The following ABCC6 variants were observed in gnomAD, a reference collection of about 807,000 sequenced individuals.
ABCC6 encodes the protein ATP-binding cassette sub-family C member 6.
ABCC6 carries 126 observed loss-of-function variants against 169.5 expected under a neutral mutation model. The observed-to-expected ratio is 0.74, with a 90% CI of 0.64 to 0.86. ABCC6 has a LOEUF of 0.86. Ranked by LOEUF, ABCC6 falls within the 40% of genes least tolerant of loss-of-function variation. The pLI, the probability that ABCC6 is intolerant of heterozygous loss-of-function variation, is 0.00. For synonymous variants in ABCC6, 752 were observed against 814.7 expected, an observed-to-expected ratio of 0.92 and a Z score of 1.31; for missense variants, 1,733 against 1,927.2, an observed-to-expected ratio of 0.90 and a Z score of 1.89.
Position 16,150,677 on chromosome 16 carries a change from C to T in ABCC6, c.4304G>A (p.Gly1435Asp), listed in dbSNP as rs773205132. The T allele has an allele frequency of 6.2e-7, 1 of 1,613,582 alleles. No individual in the cohort carries two copies. The highest frequency in any genetic ancestry group is 1.7e-5 in the Admixed American group (1 of 59,968). Residue 1435 changes from glycine to aspartate, a missense_variant, in exon 30 of 31, where the codon GGC becomes GAC. By Grantham distance (94) the Gly-to-Asp change is moderately conservative. Around this residue, in one of 5 missense-constraint regions of ABCC6, gnomAD observed 1,601 missense variants for 1,635.5 expected, o/e 0.98. Transcript: ENST00000205557. ...CATGGCCTGCATCTGCAGCTCCGTG[C>T]CAGGGTCCACGGCAGCAGTAGCCTC... ...LDEATAAVDP[G>D]TELQMQAMLG...
In ABCC6 at chr16:16,198,074, C is replaced by T. The variant is rs978346965; in HGVS notation, c.1285G>A (p.Gly429Arg). Reference protein sequence around the residue: ...RLTESVLYLNGLWLPLVWIVV... With the variant: ...RLTESVLYLNRLWLPLVWIVV... ...ATCCAGACGAGAGGCAGCCACAGCC[C>T]GTTGAGGTAGAGGACGCTCTCGGTC... The change falls in exon 10 of 31, where the codon GGG (glycine) becomes AGG (arginine). Residue 429 changes from glycine to arginine, a missense_variant. Transcript: ENST00000205557. The T allele has an allele frequency of 2.7e-5, 43 of 1,613,974 alleles. No individual in the cohort carries two copies. In the Admixed American group the frequency reaches 5.0e-4, roughly 19 times the overall value.
At chr16:16,172,127 A>AGTGGGTGGG (rs2047114362) in intron 21 of ABCC6, among the ~76,000 whole-genome samples, 1 of 92,968 alleles carries the variant, frequency 1.1e-5, no homozygotes, top group Non-Finnish European at 2.2e-5. Flanking sequence ...TGGATAAATG[A>AGTGGGTGGG]ATGGATGGGA....
intron 20 of ABCC6, among the ~76,000 whole-genome samples, chr16:16,174,525 G>A (rs992500301): frequency 1.3e-5 from 2 of 152,032 alleles, no homozygotes; most frequent in Non-Finnish European, 2.9e-5. Flanking sequence ...GGGAGGCTGA[G>A]GCAGGTGGAA....
chr16:16,198,772 T>A (rs2048140918), intron 9 of ABCC6, among the ~76,000 whole-genome samples: 2 of 151,216 alleles, frequency 1.3e-5, no homozygotes, highest in Admixed American at 6.6e-5. Context: ...GGTGGACAGA[T>A]CACCTGAGGT....
At chr16:16,183,639 C>A (rs534434538) in intron 15 of ABCC6, among the ~76,000 whole-genome samples, 2 of 152,268 alleles carry the variant, frequency 1.3e-5, no homozygotes, top group Non-Finnish European at 2.9e-5. Flanking sequence ...ACACAAAAGG[C>A]CAGTGGTTCT....
In ABCC6 at chr16:16,193,154, C is replaced by T. The variant is rs11864859; in HGVS notation, c.1339-232G>A. Among the ~76,000 whole-genome samples, 535 of 152,206 alleles carry T rather than the reference C, an allele frequency of 3.5e-3. 1 individual carries two copies. Among genetic ancestry groups the T allele is most frequent in the African/African-American group, 0.012 (479 of 41,530 alleles). ...ATAAAACAGGTTGCAGTAAAGAAGG[C>T]GGCCAAATCCCACCAAAACCAAGAT... On this transcript the variant is annotated intron_variant, in intron 10 of 30. Transcript: ENST00000205557.
rs928069454 is a variant in ABCC6, at chr16:16,150,500, G to A, written c.4403+78C>T. 1.6e-5 allele frequency: 25 copies of A among 1,545,792 alleles called. No individual in the cohort carries two copies. In the Admixed American group the frequency reaches 3.0e-4, roughly 19 times the overall value. Reference sequence around the variant, plus strand: ...CCCTCCAGCTCTAACCCGAAGCCCAGTGGCCCAGGACTGCCTCCGCCTCCT... The same window carrying A: ...CCCTCCAGCTCTAACCCGAAGCCCAATGGCCCAGGACTGCCTCCGCCTCCT... On this transcript the variant is annotated intron_variant, in intron 30 of 30. Coordinates refer to ENST00000205557, the MANE Select transcript of ABCC6 (RefSeq NM_001171.6).
chr16:16,204,126 A>G (rs4780609), intron 7 of ABCC6, among the ~76,000 whole-genome samples: 1 of 150,426 alleles, frequency 6.6e-6, no homozygotes, highest in African/African-American at 2.5e-5. Context: ...GTGTGATCTC[A>G]GCTCACGGCA....
intron 22 of ABCC6, among the ~76,000 whole-genome samples, chr16:16,168,468 A>G (rs2046952630): frequency 6.6e-6 from 1 of 152,302 alleles, no homozygotes; most frequent in Admixed American, 6.5e-5. Flanking sequence ...CCTGGGTGAC[A>G]AAGCCAGACC....
intron 29 of ABCC6, among the ~76,000 whole-genome samples, chr16:16,153,731 C>T (rs2152210928): frequency 6.6e-6 from 1 of 151,750 alleles, no homozygotes; most frequent in Middle Eastern, 3.4e-3. Context: ...TGGTGAAACC[C>T]TGTCTCTACA....
rs202129940 is a variant in ABCC6 at position 16,177,665 on chromosome 16, G to A, written c.2416-39C>T. On this transcript the variant is annotated intron_variant, in intron 18 of 30. Transcript: ENST00000205557. Reference sequence around the variant, plus strand: ...GGGTAGAAGTTACACACATGTGGCCGGGTGCAGTGGCTCATGCCTGTAATC... The same window carrying A: ...GGGTAGAAGTTACACACATGTGGCCAGGTGCAGTGGCTCATGCCTGTAATC... The A allele has an allele frequency of 2.9e-5, 46 of 1,610,368 alleles. 1 individual carries two copies. In the Middle Eastern group the frequency reaches 8.4e-4, roughly 29 times the overall value.
At chr16:16,192,591 G>A (rs2079729326) in intron 11 of ABCC6, among the ~76,000 whole-genome samples, 1 of 152,122 alleles carries the variant, frequency 6.6e-6, no homozygotes, top group Non-Finnish European at 1.5e-5. Context: ...GGATGTGAGA[G>A]AAAAAGGCAT....
chr16:16,181,170 T>C lies in ABCC6; in HGVS notation c.2247+1242A>G, dbSNP rs187631012. ...AGTACAAAAAAAAATTAGCCAGTTG[T>C]GGTGGTACATGGCTGTAATTCTAGC... On this transcript the variant is annotated intron_variant, in intron 17 of 30. Transcript: ENST00000205557. 4.6e-5 allele frequency among the ~76,000 whole-genome samples: 7 copies of C among 151,412 alleles called. No individual in the cohort carries two copies. The East Asian group carries it at 1.4e-3, about 30-fold the overall frequency.
Position 16,203,569 on chromosome 16 carries a change from A to G in ABCC6, c.839T>C (p.Met280Thr), listed in dbSNP as rs2048309390. 3 of 1,613,912 alleles carry G rather than the reference A, an allele frequency of 1.9e-6. No homozygotes were observed. Among genetic ancestry groups the G allele is most frequent in the East Asian group, 2.2e-5 (1 of 44,900 alleles). Residue 280 changes from methionine to threonine, a missense_variant, in exon 8 of 31, where the codon ATG becomes ACG. Physicochemically the swap from Met to Thr is moderately conservative, Grantham distance 81. Transcript: ENST00000205557. ...GAAGGGCTCGGTCTCTGGAGCCTTCATGCCACTGCCGCCTTTCCTTTTAAA... is the reference window on the plus strand; with the variant it reads ...GAAGGGCTCGGTCTCTGGAGCCTTCGTGCCACTGCCGCCTTTCCTTTTAAA... ...IAFKRKGGSG[M>T]KAPETEPFLR...
chr16:16,161,479 T>C lies in ABCC6; in HGVS notation c.3592A>G (p.Ser1198Gly), dbSNP rs114920767. ...ACAGAGAAGCCCACGAGGCCAGCAC[T>C]GAGGTGGGCTTTGCTCAGCACAGCA... ...TCAVLSKAHL[S>G]AGLVGFSVSA... The change falls in exon 25 of 31, where the codon AGT becomes GGT. Residue 1198 changes from serine (S) to glycine (G), a missense_variant. By Grantham distance (56) the Ser-to-Gly change is moderately conservative (BLOSUM62 0). Around this residue, in one of 5 missense-constraint regions of ABCC6, gnomAD observed 1,601 missense variants for 1,635.5 expected, o/e 0.98. Coordinates refer to ENST00000205557, the MANE Select transcript of ABCC6 (RefSeq NM_001171.6). 5.6e-6 allele frequency: 9 copies of C among 1,613,828 alleles called. No individual in the cohort carries two copies. In the East Asian group the frequency reaches 1.1e-4, roughly 20 times the overall value.
At chr16:16,178,282 G>A (rs769342550) in intron 18 of ABCC6, among the ~76,000 whole-genome samples, 4 of 151,818 alleles carry the variant, frequency 2.6e-5, no homozygotes, top group Admixed American at 6.6e-5. Flanking sequence ...AGCGGAGATC[G>A]CACCACTGCC....
chr16:16,177,666 G>C (rs186332481), intron 18 of ABCC6, 40 bp from the exon 19 acceptor site: 2 of 1,610,454 alleles, frequency 1.2e-6, no homozygotes, highest in Admixed American at 3.3e-5. Flanking sequence ...CATGTGGCCG[G>C]GTGCAGTGGC....
rs1471373703 is a variant in ABCC6, at chr16:16,203,501, T to C, written c.907A>G (p.Ile303Val). ...GSQWRPLLKA[I>V]WQVFHSTFLL... is the part of the protein sequence containing the mutation. ...AAGGTAGAATGGAACACCTGCCAGA[T>C]GGCCTTCAGCAGTGGGCGCCACTGG... Residue 303 changes from isoleucine to valine, a missense_variant, in exon 8 of 31, where the codon ATC becomes GTC. Ile to Val is a conservative substitution (Grantham distance 29). This residue lies in a region of ABCC6 where 1,601 missense variants were observed against 1,635.5 expected (regional missense o/e 0.98). Transcript: ENST00000205557. 4 of 1,614,014 alleles carry C rather than the reference T, an allele frequency of 2.5e-6. No homozygotes were observed. The highest frequency in any genetic ancestry group is 3.4e-6 in the Non-Finnish European group (4 of 1,179,864).
At chr16:16,185,516 T>C (rs988655185) in intron 14 of ABCC6, among the ~76,000 whole-genome samples, 6 of 152,102 alleles carry the variant, frequency 3.9e-5, no homozygotes, top group African/African-American at 1.4e-4. Flanking sequence ...CGGCACAGTG[T>C]CTCATGCCTG....
Sources: allele counts gnomAD v4.1 joint callset (sites outside exome capture counted in the v4.1 genomes callset), GRCh38; gene constraint gnomAD v4.1.1; regional missense constraint gnomAD v4.1.1; transcripts MANE v1.5; gene names NCBI Gene and HGNC (gene_info 2026-07-23, HGNC 2026-07-21).